The following NOCT variants were observed in gnomAD, a reference collection of about 807,000 sequenced individuals.
NOCT encodes the protein CCR4 carbon catabolite repression 4-like.
A neutral mutation model predicts 35.0 loss-of-function variants in NOCT; 18 were observed. The ratio of observed to expected loss-of-function variants is 0.51; its 90% CI spans 0.36 to 0.76. The LOEUF (loss-of-function observed/expected upper bound fraction) is 0.76. Ranked by LOEUF, NOCT falls within the 30% of genes least tolerant of loss-of-function variation. The pLI is 0.01. For synonymous variants in NOCT, 235 were observed against 226.3 expected (o/e 1.04, Z -0.34); for missense variants, 479 against 541.0 (o/e 0.89, Z 1.14).
At chr4:139,040,736 A>G (rs557675504) in intron 1 of NOCT, among the ~76,000 whole-genome samples, 2 of 152,284 alleles carry the variant, frequency 1.3e-5, no homozygotes, top group Non-Finnish European at 2.9e-5. Context: ...TCACATTTAA[A>G]ATATAAAATA....
At chr4:139,037,142 CTT>C (rs1393013301) in intron 1 of NOCT, among the ~76,000 whole-genome samples, 1 of 152,180 alleles carries the variant, frequency 6.6e-6, no homozygotes, top group Non-Finnish European at 1.5e-5. Flanking sequence ...TGGGGAATAT[CTT>C]TGGGTTTCCT....
intron 1 of NOCT, among the ~76,000 whole-genome samples, chr4:139,037,106 G>T (rs1726749480): frequency 6.6e-6 from 1 of 152,168 alleles, no homozygotes; most frequent in African/African-American, 2.4e-5. Flanking sequence ...AAATACTCTG[G>T]CAGTCAGTGT....
chr4:139,036,779 T>A (rs985414592), intron 1 of NOCT, among the ~76,000 whole-genome samples: 1 of 152,136 alleles, frequency 6.6e-6, no homozygotes, highest in African/African-American at 2.4e-5. Context: ...GAAATAAATG[T>A]AAAATTAACA....
At chr4:139,017,060 T>C (rs1164610103) in intron 1 of NOCT, among the ~76,000 whole-genome samples, 1 of 150,576 alleles carries the variant, frequency 6.6e-6, no homozygotes, top group East Asian at 1.9e-4. Context: ...GGCCTTAGTT[T>C]CACCAAGAGC....
At position 139,045,736 on chromosome 4, in the gene NOCT, T is replaced by G. The variant is rs1726928357; in HGVS notation, c.*262T>G. On this transcript the variant is annotated 3_prime_UTR_variant, in exon 3 of 3. Transcript: ENST00000280614. ...TTTCACCGTGTTAGCCAGGATGGTC[T>G]CGATCTCCTGACCTTGAATCACAAG... is the stretch of plus-strand genomic sequence containing the variant. 1 of 305,640 alleles carries G rather than the reference T, an allele frequency of 3.3e-6. No homozygotes were observed. The highest frequency in any genetic ancestry group is 2.2e-5 in the African/African-American group (1 of 46,334). 18.9% of individuals were successfully genotyped at this position (305,640 alleles called of 1,614,324 possible). A position where few individuals can be genotyped will look rare whatever the true frequency, so the allele number is the denominator to read the frequency against.
chr4:139,026,614 G>A (rs1343551698), intron 1 of NOCT, among the ~76,000 whole-genome samples: 1 of 148,986 alleles, frequency 6.7e-6, no homozygotes, highest in Non-Finnish European at 1.5e-5. Flanking sequence ...GCAGTGGCAC[G>A]ATCTCGGCTC....
chr4:139,039,502 C>A (rs1726796777), intron 1 of NOCT, among the ~76,000 whole-genome samples: 1 of 150,552 alleles, frequency 6.6e-6, no homozygotes, highest in African/African-American at 2.4e-5. Context: ...TGTTCCCTTT[C>A]GTTGGTCTTC....
At chr4:139,040,678 T>C (rs1726820256) in intron 1 of NOCT, among the ~76,000 whole-genome samples, 1 of 152,188 alleles carries the variant, frequency 6.6e-6, no homozygotes, top group African/African-American at 2.4e-5. Context: ...GAAACTGAGC[T>C]CTACATCAAG....
At chr4:139,027,569 G>A (rs1726546444) in intron 1 of NOCT, among the ~76,000 whole-genome samples, 4 of 150,136 alleles carry the variant, frequency 2.7e-5, no homozygotes, top group African/African-American at 4.9e-5. Context: ...GCGCAATCTT[G>A]GCTCACTGCA....
intron 1 of NOCT, among the ~76,000 whole-genome samples, chr4:139,039,690 T>C (rs535675644): frequency 1.9e-4 from 29 of 152,288 alleles, no homozygotes; most frequent in Middle Eastern, 6.8e-3. Flanking sequence ...CTGAATTTTC[T>C]AATTCTGATT....
chr4:139,017,377 G>A (rs1008243178), intron 1 of NOCT, among the ~76,000 whole-genome samples: 28 of 151,132 alleles, frequency 1.9e-4, no homozygotes, highest in African/African-American at 6.3e-4. Context: ...ACAGGCATGC[G>A]CCACCGCGCC....
In NOCT at chr4:139,016,043, G is replaced by T; in HGVS notation, c.62G>T (p.Arg21Leu). The change falls in exon 1 of 3, where the codon CGC becomes CTC. Residue 21 changes from arginine to leucine, a missense_variant. Physicochemically the swap from Arg to Leu is moderately radical, Grantham distance 102. Around this residue, in one of 2 missense-constraint regions of NOCT, gnomAD observed 265 missense variants for 257.0 expected, o/e 1.03. Coordinates refer to ENST00000280614, the MANE Select transcript of NOCT (RefSeq NM_012118.4). ...CTGCAGAGGGACGCGCCCGGCCTGC[G>T]CCGCCTGCCCGCCCCAGGGCTGCGC... ...ALLQRDAPGLRRLPAPGLRRP... is the reference protein window; with the variant it reads ...ALLQRDAPGLLRLPAPGLRRP... 7.2e-7 allele frequency: 1 copy of T among 1,390,466 alleles called. No homozygotes were observed. Among genetic ancestry groups the T allele is most frequent in the South Asian group, 1.6e-5 (1 of 64,244 alleles). The allele number at this position is 1,390,466 out of a possible 1,614,324, so 86.1% of individuals were successfully genotyped here. A position where few individuals can be genotyped will look rare whatever the true frequency, so the allele number is the denominator to read the frequency against.
chr4:139,031,129 G>A (rs1383179374), intron 1 of NOCT, among the ~76,000 whole-genome samples: 1 of 151,944 alleles, frequency 6.6e-6, no homozygotes, highest in Admixed American at 6.6e-5. Flanking sequence ...GCTGTGGAGA[G>A]TGGTCGGCCC....
chr4:139,016,763 C>T (rs1442477843), intron 1 of NOCT, among the ~76,000 whole-genome samples: 2 of 148,420 alleles, frequency 1.3e-5, no homozygotes, highest in Admixed American at 6.9e-5. Flanking sequence ...AAGCGATTCT[C>T]CTGCCTCAGC....
chr4:139,019,345 C>T (rs1228909331), intron 1 of NOCT, among the ~76,000 whole-genome samples: 2 of 152,296 alleles, frequency 1.3e-5, no homozygotes, highest in East Asian at 1.9e-4. Flanking sequence ...TGAGCCACTG[C>T]GCCCAGCCTA....
At chr4:139,016,224 C>G in intron 1 of NOCT, 53 bp downstream of exon 1, 1 of 1,169,130 alleles carries the variant, frequency 8.6e-7, no homozygotes, top group Non-Finnish European at 1.1e-6. Flanking sequence ...AACGCGCGGC[C>G]GCCACCTGGA....
chr4:139,035,150 A>G (rs1342217825), intron 1 of NOCT, among the ~76,000 whole-genome samples: 1 of 151,952 alleles, frequency 6.6e-6, no homozygotes, highest in Non-Finnish European at 1.5e-5. Context: ...AAAGAGATAG[A>G]TAGGGTCTTG....
intron 2 of NOCT, 21 bp downstream of exon 2, chr4:139,043,364 C>G: frequency 6.2e-7 from 1 of 1,605,956 alleles, no homozygotes; most frequent in Non-Finnish European, 8.5e-7. Context: ...TGCTTTTGTG[C>G]CTCTGCAGTC....
At chr4:139,044,072 A>G in intron 2 of NOCT, among the ~76,000 whole-genome samples, 1 of 150,180 alleles carries the variant, frequency 6.7e-6, no homozygotes, top group East Asian at 1.9e-4. Flanking sequence ...GTGTCAATCA[A>G]CTCTATGTAG....
Sources: gnomAD v4.1 joint callset for allele counts (sites outside exome capture counted in the v4.1 genomes callset) on GRCh38, gnomAD v4.1.1 for gene constraint, gnomAD v4.1.1 regional missense constraint, MANE v1.5 for transcripts, NCBI Gene and HGNC (gene_info 2026-07-23, HGNC 2026-07-21) for gene names.